MBD5: variants seen among roughly 807,000 people sequenced by gnomAD.
MBD5 encodes methyl-CpG-binding domain protein 5.
In MBD5, 13 loss-of-function variants were observed where a neutral mutation model predicts 117.3. The observed-to-expected ratio is 0.11, with a 90% confidence interval of 0.07 to 0.18. MBD5 has a LOEUF of 0.18. Ranked by LOEUF, MBD5 falls within the 10% of genes least tolerant of loss-of-function variation. The pLI is 1.00. For missense variants in MBD5, 1,879 were observed against 2,093.8 expected, an observed-to-expected ratio of 0.90 and a Z score of 2.00; for synonymous variants, 727 against 766.4, an observed-to-expected ratio of 0.95 and a Z score of 0.85.
At chr2:148,158,383 T>G (rs1697921962) in intron 1 of MBD5, among the ~76,000 whole-genome samples, 1 of 152,230 alleles carries the variant, frequency 6.6e-6, no homozygotes, top group South Asian at 2.1e-4. Flanking sequence ...ATGAAGCCCT[T>G]GTCTCAGAGG....
rs758383253 is a variant in MBD5 at position 148,423,579 on chromosome 2, C to T, written c.-556-34624C>T. Among the ~76,000 whole-genome samples the T allele has an allele frequency of 5.8e-4, 89 of 152,216 alleles. 1 individual carries two copies. The highest frequency in any genetic ancestry group is 3.4e-3 in the Middle Eastern group (1 of 294). ...TAAACATAGAAATGAAGAACCGATA[C>T]CAGCCACTGCAAAAACATACCAAAT... On this transcript the variant is annotated intron_variant, in intron 4 of 13. Coordinates refer to ENST00000642680, the MANE Select transcript of MBD5 (RefSeq NM_001378120.1).
intron 3 of MBD5, among the ~76,000 whole-genome samples, chr2:148,244,628 A>T (rs540793535): frequency 8.7e-4 from 132 of 152,342 alleles, no homozygotes; most frequent in Non-Finnish European, 1.2e-3. Flanking sequence ...CATTCAACAA[A>T]TATTTACTGA....
intron 1 of MBD5, among the ~76,000 whole-genome samples, chr2:148,150,456 A>AT (rs1415728741): frequency 6.6e-6 from 1 of 151,958 alleles, no homozygotes; most frequent in Non-Finnish European, 1.5e-5. Context: ...ACTTTAAAGT[A>AT]TTTTTTTCCA....
chr2:148,210,432 A>G (rs1324675579), intron 2 of MBD5, among the ~76,000 whole-genome samples: 2 of 152,088 alleles, frequency 1.3e-5, no homozygotes, highest in African/African-American at 4.8e-5. Flanking sequence ...TGGCAAGCTC[A>G]TATTTTGCTA....
chr2:148,175,970 T>C (rs919411044), intron 1 of MBD5, among the ~76,000 whole-genome samples: 51 of 152,214 alleles, frequency 3.4e-4, no homozygotes, highest in Non-Finnish European at 1.2e-4. Context: ...TAACAATGCC[T>C]GTTATCTGGA....
At chr2:148,423,336 GT>G (rs1705671184) in intron 4 of MBD5, among the ~76,000 whole-genome samples, 1 of 151,830 alleles carries the variant, frequency 6.6e-6, no homozygotes, top group Admixed American at 6.6e-5. Flanking sequence ...ATTTAATTAT[GT>G]TTTTAAAGCA....
At chr2:148,203,116 A>C (rs1558970888) in intron 2 of MBD5, among the ~76,000 whole-genome samples, 2 of 152,022 alleles carry the variant, frequency 1.3e-5, no homozygotes, top group Non-Finnish European at 2.9e-5. Context: ...AAAAAAAAAA[A>C]AAAAAGCTGT....
chr2:148,249,673 G>A (rs903333793), intron 3 of MBD5, among the ~76,000 whole-genome samples: 1 of 152,078 alleles, frequency 6.6e-6, no homozygotes, highest in Non-Finnish European at 1.5e-5. Flanking sequence ...TATCATTTTT[G>A]TGTTGATAAG....
chr2:148,405,929 G>A (rs945684710), intron 4 of MBD5, among the ~76,000 whole-genome samples: 1 of 152,112 alleles, frequency 6.6e-6, no homozygotes, highest in Non-Finnish European at 1.5e-5. Context: ...GACCAGCCTG[G>A]GCAGCATGGT....
At chr2:148,349,520 T>A (rs1703201934) in intron 4 of MBD5, among the ~76,000 whole-genome samples, 2 of 151,944 alleles carry the variant, frequency 1.3e-5, no homozygotes, top group Non-Finnish European at 2.9e-5. Context: ...TTTTAAAAAG[T>A]GGGTGTCATT....
At position 148,330,115 on chromosome 2, in the gene MBD5, A is replaced by ACACACACACACACACACACACT. The variant is rs148068244; in HGVS notation, c.-679-12096_-679-12095insACACACACACACACACACTCAC. Among the ~76,000 whole-genome samples, 1,261 of 127,266 alleles carry ACACACACACACACACACACACT rather than the reference A, an allele frequency of 9.9e-3. 21 individuals carry two copies. Among genetic ancestry groups the ACACACACACACACACACACACT allele is most frequent in the Non-Finnish European group, 0.011 (648 of 60,916 alleles). 83.5% of individuals were successfully genotyped at this position (127,266 alleles called of 152,430 possible). A position where few individuals can be genotyped will look rare whatever the true frequency, so the allele number is the denominator to read the frequency against. On this transcript the variant is annotated intron_variant, in intron 3 of 13. Coordinates refer to ENST00000642680, the MANE Select transcript of MBD5 (RefSeq NM_001378120.1). Reference sequence around the variant, plus strand: ...CACACACACACACACACACACACACACACTCTACCTTAGGCCAAAAAAGGG... The same window carrying ACACACACACACACACACACACT: ...CACACACACACACACACACACACACACACACACACACACACACACACTCACTCTACCTTAGGCCAAAAAAGGG...
At chr2:148,336,110 C>T (rs952977020) in intron 3 of MBD5, among the ~76,000 whole-genome samples, 10 of 152,164 alleles carry the variant, frequency 6.6e-5, no homozygotes, top group African/African-American at 2.4e-4. Flanking sequence ...GAAAATCCAC[C>T]ATTCTATTTT....
At chr2:148,375,614 T>C (rs1434128373) in intron 4 of MBD5, among the ~76,000 whole-genome samples, 1 of 152,166 alleles carries the variant, frequency 6.6e-6, no homozygotes, top group East Asian at 1.9e-4. Flanking sequence ...AAATGCTAGT[T>C]TTCTGATTTC....
At chr2:148,083,615 A>G (rs1177444642) in intron 1 of MBD5, among the ~76,000 whole-genome samples, 4 of 151,768 alleles carry the variant, frequency 2.6e-5, no homozygotes, top group Non-Finnish European at 5.9e-5. Context: ...TTCATTTTTT[A>G]TTTATTTTTA....
chr2:148,335,219 A>G (rs1390709028), intron 3 of MBD5, among the ~76,000 whole-genome samples: 1 of 151,884 alleles, frequency 6.6e-6, no homozygotes, highest in African/African-American at 2.4e-5. Flanking sequence ...TGAGACCCCC[A>G]TCTCTACAAA....
intron 3 of MBD5, among the ~76,000 whole-genome samples, chr2:148,319,871 T>C (rs895513540): frequency 1.3e-5 from 2 of 152,206 alleles, no homozygotes; most frequent in Non-Finnish European, 2.9e-5. Flanking sequence ...CCCCACCAAG[T>C]ATGATGTTGG....
chr2:148,053,070 G>A (rs1463016968), intron 1 of MBD5, among the ~76,000 whole-genome samples: 2 of 149,240 alleles, frequency 1.3e-5, no homozygotes, highest in African/African-American at 4.9e-5. Flanking sequence ...CTTTTTTCTT[G>A]CTCATCTTCT....
rs144803427 is a variant in MBD5, at chr2:148,360,653, A to G, written c.-557+18317A>G. Among the ~76,000 whole-genome samples the G allele has an allele frequency of 2.2e-3, 339 of 152,256 alleles. 3 individuals are homozygous for G. The highest frequency in any genetic ancestry group is 7.8e-3 in the African/African-American group (326 of 41,544). The stretch of plus-strand genomic sequence containing the variant: ...ATTCAAAGTAGTCCATGTGACCTAG[A>G]TATTGAAAATCTAGGTAGAGTGTGC... On this transcript the variant is annotated intron_variant, in intron 4 of 13. Coordinates refer to ENST00000642680, the MANE Select transcript of MBD5 (RefSeq NM_001378120.1).
At chr2:148,290,246 C>T (rs1463462434) in intron 3 of MBD5, among the ~76,000 whole-genome samples, 1 of 150,440 alleles carries the variant, frequency 6.6e-6, no homozygotes, top group East Asian at 1.9e-4. Flanking sequence ...GCGTGAGTCA[C>T]CGCACCCAGC....
Sources: gnomAD v4.1 joint callset for allele counts (sites outside exome capture counted in the v4.1 genomes callset) on GRCh38, gnomAD v4.1.1 for gene constraint, MANE v1.5 for transcripts, NCBI Gene and HGNC (gene_info 2026-07-23, HGNC 2026-07-21) for gene names.